The following HDAC9 variants were observed in gnomAD, a reference collection of about 807,000 sequenced individuals.
The protein encoded by HDAC9 is histone deacetylase 9.
Under a neutral mutation model 139.4 loss-of-function variants are expected in HDAC9, and 41 were observed. The observed-to-expected ratio is 0.29, with a 90% confidence interval of 0.23 to 0.38. The LOEUF is 0.38. Ranked by LOEUF, HDAC9 falls within the 10% of genes least tolerant of loss-of-function variation. The pLI, the probability that HDAC9 is intolerant of heterozygous loss-of-function variation, is 1.00. For synonymous variants in HDAC9, 517 were observed against 476.2 expected, an observed-to-expected ratio of 1.09 and a Z score of -1.12; for missense variants, 1,147 against 1,297.0, an observed-to-expected ratio of 0.88 and a Z score of 1.78.
chr7:18,623,861 C>T (rs1840892607), intron 6 of HDAC9, among the ~76,000 whole-genome samples: 2 of 152,242 alleles, frequency 1.3e-5, no homozygotes, highest in South Asian at 4.1e-4. Flanking sequence ...ATTGCTTGAA[C>T]CCAGGAGGGG....
At chr7:18,937,922 G>A (rs1781754781) in intron 23 of HDAC9, among the ~76,000 whole-genome samples, 1 of 152,172 alleles carries the variant, frequency 6.6e-6, no homozygotes, top group Admixed American at 6.5e-5. Flanking sequence ...TTTCCAATGA[G>A]GATGGAGTGA....
At chr7:18,595,812 AT>A (rs754748630) in intron 6 of HDAC9, among the ~76,000 whole-genome samples, 1 of 152,084 alleles carries the variant, frequency 6.6e-6, no homozygotes. Flanking sequence ...AAAATCTGAT[AT>A]TTTTAATACT....
intron 2 of HDAC9, among the ~76,000 whole-genome samples, chr7:18,573,679 G>A (rs1825032112): frequency 6.6e-6 from 1 of 152,230 alleles, no homozygotes; most frequent in South Asian, 2.1e-4. Flanking sequence ...GGGGCAGGCA[G>A]CTCCAGGCAA....
rs545479088 is a variant in HDAC9 at position 18,733,460 on chromosome 7, C to A, written c.1909+5703C>A. On this transcript the variant is annotated intron_variant, in intron 13 of 25. Transcript: ENST00000686413. Reference sequence around the variant, plus strand: ...AATCTATTTTTTAAATTGCTGTCCTCAAATATATATGCTTGAAATTTCTTT... The same window carrying A: ...AATCTATTTTTTAAATTGCTGTCCTAAAATATATATGCTTGAAATTTCTTT... Among the ~76,000 whole-genome samples, 4 of 151,160 alleles carry A rather than the reference C, an allele frequency of 2.6e-5. No homozygotes were observed. The East Asian group carries it at 5.8e-4, about 22-fold the overall frequency.
At chr7:18,306,652 T>G (rs1463865890) in intron 1 of HDAC9, among the ~76,000 whole-genome samples, 1 of 152,198 alleles carries the variant, frequency 6.6e-6, no homozygotes, top group African/African-American at 2.4e-5. Flanking sequence ...TCAACGCCTT[T>G]TGATCCAGGC....
chr7:18,599,166 T>A (rs1833273970), intron 6 of HDAC9, among the ~76,000 whole-genome samples: 1 of 152,238 alleles, frequency 6.6e-6, no homozygotes, highest in Non-Finnish European at 1.5e-5. Context: ...AAGAAAAGTT[T>A]TATATTTACA....
intron 20 of HDAC9, 123 bp downstream of exon 20, chr7:18,835,709 T>C: frequency 2.2e-6 from 3 of 1,360,150 alleles, no homozygotes; most frequent in Non-Finnish European, 3.1e-6. Flanking sequence ...TACTGAATTG[T>C]CCCATGGGAC....
At chr7:18,567,542 T>C (rs895895662) in intron 2 of HDAC9, among the ~76,000 whole-genome samples, 49 of 152,234 alleles carry the variant, frequency 3.2e-4, no homozygotes, top group African/African-American at 1.1e-3. Context: ...AGTTATATTA[T>C]AAATTTTGTG....
At chr7:18,423,395 T>A (rs1407015497) in intron 1 of HDAC9, among the ~76,000 whole-genome samples, 1 of 152,206 alleles carries the variant, frequency 6.6e-6, no homozygotes, top group Non-Finnish European at 1.5e-5. Flanking sequence ...TAGTTTCTGG[T>A]ATTAGAAATA....
Position 18,260,728 on chromosome 7 carries a change from A to G in HDAC9, c.25+98379A>G, listed in dbSNP as rs373838741. On this transcript the variant is annotated intron_variant, in intron 2 of 12. Coordinates refer to the HDAC9 transcript ENST00000417496. The stretch of plus-strand genomic sequence containing the variant: ...CAGGTTTATAAGGAATTAATAATTT[A>G]TTGCTCAAGAGTAAGAGTAAATGAA... 1.8e-4 allele frequency among the ~76,000 whole-genome samples: 27 copies of G among 152,228 alleles called. No homozygotes were observed. The East Asian group carries it at 3.3e-3, about 18-fold the overall frequency.
chr7:18,705,832 G>A (rs574612046), intron 12 of HDAC9, among the ~76,000 whole-genome samples: 103 of 132,274 alleles, frequency 7.8e-4, no homozygotes, highest in Middle Eastern at 5.1e-3. Flanking sequence ...CAGCCCAGGC[G>A]ACAGAGAGAG....
chr7:18,234,067 T>C (rs577804247), intron 2 of HDAC9, among the ~76,000 whole-genome samples: 1 of 152,220 alleles, frequency 6.6e-6, no homozygotes, highest in Non-Finnish European at 1.5e-5. Flanking sequence ...GGTTCTTCAG[T>C]TTGCCTAGCT....
intron 2 of HDAC9, among the ~76,000 whole-genome samples, chr7:18,221,305 A>G (rs564191698): frequency 1.3e-5 from 2 of 152,090 alleles, no homozygotes; most frequent in South Asian, 4.2e-4. Context: ...GGGTTTTACC[A>G]TGTTGTCCAG....
chr7:18,185,828 C>A (rs778542309), intron 2 of HDAC9, among the ~76,000 whole-genome samples: 5 of 152,116 alleles, frequency 3.3e-5, no homozygotes, highest in Admixed American at 6.5e-5. Flanking sequence ...TTATCTCGGG[C>A]ATTTTTTTTC....
chr7:18,967,892 G>C (rs1401507895), intron 24 of HDAC9, among the ~76,000 whole-genome samples: 1 of 152,232 alleles, frequency 6.6e-6, no homozygotes, highest in African/African-American at 2.4e-5. Context: ...GCCGGGCACA[G>C]TGGCTCATGC....
intron 12 of HDAC9, among the ~76,000 whole-genome samples, chr7:18,687,978 A>G (rs1052727591): frequency 6.6e-6 from 1 of 151,790 alleles, no homozygotes; most frequent in Non-Finnish European, 1.5e-5. Context: ...TGAAGGAGTG[A>G]GGTAGCTATC....
At chr7:18,622,328 T>C (rs1318126431) in intron 6 of HDAC9, among the ~76,000 whole-genome samples, 5 of 152,130 alleles carry the variant, frequency 3.3e-5, no homozygotes, top group Non-Finnish European at 7.4e-5. Flanking sequence ...TGTATGTATG[T>C]ATTTATTTAT....
intron 21 of HDAC9, 92 bp from the exon 22 acceptor site, chr7:18,874,386 G>A (rs1799162645): frequency 3.1e-6 from 2 of 648,854 alleles, no homozygotes; most frequent in South Asian, 3.9e-5. Flanking sequence ...TTCTTGGGAG[G>A]TTCCTATTGT....
chr7:18,533,589 T>G (rs1489713395), intron 2 of HDAC9, among the ~76,000 whole-genome samples: 1 of 152,208 alleles, frequency 6.6e-6, no homozygotes, highest in Non-Finnish European at 1.5e-5. Context: ...ATTTGGAAGC[T>G]TTTTAGAATC....
Sources: allele counts gnomAD v4.1 joint callset (sites outside exome capture counted in the v4.1 genomes callset), GRCh38; gene constraint gnomAD v4.1.1; transcripts MANE v1.5; gene names NCBI Gene and HGNC (gene_info 2026-07-23, HGNC 2026-07-21).